The following PCDH15 variants were observed in gnomAD, a reference collection of about 807,000 sequenced individuals.
PCDH15 encodes protocadherin-15.
In PCDH15, 129 loss-of-function variants were observed where a neutral mutation model predicts 178.5. The observed-to-expected ratio is 0.72, with a 90% CI of 0.63 to 0.84. The LOEUF (loss-of-function observed/expected upper bound fraction) is 0.84, where lower values mean the gene tolerates loss of function less well. Among genes scored for constraint, PCDH15 ranks in the 40% least tolerant of loss-of-function variants. The pLI is 0.00. For missense variants in PCDH15, 2,230 were observed against 2,099.9 expected (o/e 1.06, Z -1.21); for synonymous variants, 800 against 732.0 (o/e 1.09, Z -1.50).
chr10:55,253,534 T>C (rs1010936949), intron 1 of PCDH15, among the ~76,000 whole-genome samples: 1 of 152,198 alleles, frequency 6.6e-6, no homozygotes, highest in Non-Finnish European at 1.5e-5. Flanking sequence ...TGAGATTTAT[T>C]GAGAATGTAA....
At chr10:54,501,846 T>C (rs1211812331) in intron 3 of PCDH15, among the ~76,000 whole-genome samples, 1 of 152,122 alleles carries the variant, frequency 6.6e-6, no homozygotes. Flanking sequence ...TGGTTTTTAA[T>C]GTGTTATGAT....
intron 2 of PCDH15, among the ~76,000 whole-genome samples, chr10:55,002,954 A>G (rs61170121): frequency 0.73 from 111,747 of 152,110 alleles, 41,182 homozygotes; most frequent in East Asian, 0.87. Flanking sequence ...TTCTTACCTT[A>G]TGGTCAAACT....
chr10:55,175,900 G>C (rs1839471253), intron 1 of PCDH15, among the ~76,000 whole-genome samples: 1 of 151,900 alleles, frequency 6.6e-6, no homozygotes, highest in Admixed American at 6.6e-5. Flanking sequence ...GGCACTATAA[G>C]AAGGACTGTG....
chr10:55,551,521 CAT>C (rs1842003102), intron 2 of PCDH15, among the ~76,000 whole-genome samples: 1 of 151,692 alleles, frequency 6.6e-6, no homozygotes, highest in South Asian at 2.1e-4. Context: ...GAGGAAAAAA[CAT>C]GTAACATTTG....
chr10:54,514,345 T>A (rs573407362), intron 3 of PCDH15, among the ~76,000 whole-genome samples: 1 of 152,184 alleles, frequency 6.6e-6, no homozygotes, highest in South Asian at 2.1e-4. Context: ...CCAACAATAA[T>A]AAAGACTTTA....
intron 1 of PCDH15, among the ~76,000 whole-genome samples, chr10:55,202,227 C>T (rs142313333): frequency 2.0e-5 from 3 of 152,082 alleles, no homozygotes; most frequent in African/African-American, 7.2e-5. Context: ...CTACGCAGAG[C>T]CAGTATAAAT....
At chr10:55,335,377 A>C (rs1844356907) in intron 2 of PCDH15, among the ~76,000 whole-genome samples, 1 of 151,916 alleles carries the variant, frequency 6.6e-6, no homozygotes, top group Non-Finnish European at 1.5e-5. Context: ...AGTGACTTTA[A>C]AGCAAAAAGA....
chr10:53,811,961 A>G (rs1443866258), intron 35 of PCDH15, among the ~76,000 whole-genome samples: 1 of 152,202 alleles, frequency 6.6e-6, no homozygotes, highest in African/African-American at 2.4e-5. Flanking sequence ...ATCAATAGTT[A>G]ATATTTAACT....
chr10:54,349,008 G>C (rs1392141994), intron 5 of PCDH15, among the ~76,000 whole-genome samples: 1 of 152,036 alleles, frequency 6.6e-6, no homozygotes, highest in African/African-American at 2.4e-5. Flanking sequence ...TTTTATGATT[G>C]GATGACATTG....
At chr10:55,030,530 G>A (rs1249801055) in intron 2 of PCDH15, among the ~76,000 whole-genome samples, 1 of 151,942 alleles carries the variant, frequency 6.6e-6, no homozygotes, top group East Asian at 1.9e-4. Flanking sequence ...AAAAGAACTA[G>A]GAAAGACAGA....
At chr10:54,420,450 A>C (rs1955092690) in intron 3 of PCDH15, among the ~76,000 whole-genome samples, 1 of 152,058 alleles carries the variant, frequency 6.6e-6, no homozygotes, top group African/African-American at 2.4e-5. Flanking sequence ...ACAACAACAA[A>C]AAGATTATTT....
At chr10:54,479,609 A>G (rs777835417) in intron 3 of PCDH15, among the ~76,000 whole-genome samples, 39 of 152,066 alleles carry the variant, frequency 2.6e-4, no homozygotes, top group Non-Finnish European at 3.8e-4. Flanking sequence ...TGTTAAAAAG[A>G]ATCAAAACTA....
In PCDH15 at chr10:55,285,675, C is replaced by CAT. The variant is rs201646706; in HGVS notation, c.-156+33923_-156+33924insAT. On this transcript the variant is annotated intron_variant, in intron 1 of 5. Coordinates refer to the PCDH15 transcript ENST00000458638. ...CTGGGTAGTGAGGTGAAATATGAAA[C>CAT]GTAAGTTCTCAACAAATGCTTGTTG... Among the ~76,000 whole-genome samples, 1,476 of 151,514 alleles carry CAT rather than the reference C, an allele frequency of 9.7e-3. 23 individuals carry two copies. The highest frequency in any genetic ancestry group is 0.033 in the African/African-American group (1,346 of 41,360).
At chr10:54,535,651 A>G (rs1211372331) in intron 2 of PCDH15, among the ~76,000 whole-genome samples, 1 of 133,986 alleles carries the variant, frequency 7.5e-6, no homozygotes, top group Non-Finnish European at 1.5e-5. Context: ...TGGAGCTTGC[A>G]GTGAGCTGAG....
chr10:54,434,355 T>C (rs2075240707), intron 3 of PCDH15, among the ~76,000 whole-genome samples: 1 of 152,206 alleles, frequency 6.6e-6, no homozygotes, highest in Non-Finnish European at 1.5e-5. Context: ...ATTCACTGAC[T>C]CACCCAGAGT....
At chr10:54,225,512 T>C (rs865799542) in intron 9 of PCDH15, among the ~76,000 whole-genome samples, 9 of 152,300 alleles carry the variant, frequency 5.9e-5, no homozygotes, top group Middle Eastern at 3.4e-3. Context: ...ACTTAGACCC[T>C]TGTCATTTCA....
intron 23 of PCDH15, among the ~76,000 whole-genome samples, chr10:53,957,936 G>T (rs988612523): frequency 6.6e-6 from 1 of 152,108 alleles, no homozygotes; most frequent in Non-Finnish European, 1.5e-5. Context: ...ACATCTCGAT[G>T]ATTTACATAC....
intron 2 of PCDH15, among the ~76,000 whole-genome samples, chr10:55,589,077 G>C (rs538529433): frequency 2.5e-5 from 3 of 117,664 alleles, no homozygotes; most frequent in Admixed American, 9.3e-5. Context: ...GCAAAATTCC[G>C]TGTCAAAAAA....
chr10:54,360,062 G>A (rs1239161298), intron 5 of PCDH15, among the ~76,000 whole-genome samples: 1 of 152,070 alleles, frequency 6.6e-6, no homozygotes, highest in Admixed American at 6.6e-5. Flanking sequence ...CCTAGAAACT[G>A]ATGCTCCCAG....
Sources: gnomAD v4.1 joint callset for allele counts (sites outside exome capture counted in the v4.1 genomes callset) on GRCh38, gnomAD v4.1.1 for gene constraint, MANE v1.5 for transcripts, NCBI Gene and HGNC (gene_info 2026-07-23, HGNC 2026-07-21) for gene names.